Variants in TTC6 observed in about 807,000 individuals in gnomAD.
The protein encoded by TTC6 is tetratricopeptide repeat domain 6.
Under a neutral mutation model 210.4 loss-of-function variants are expected in TTC6, and 172 were observed. The ratio of observed to expected loss-of-function variants is 0.82; its 90% CI spans 0.72 to 0.93. TTC6 has a LOEUF of 0.93. Ranked by LOEUF, TTC6 falls within the 40% of genes least tolerant of loss-of-function variation. The pLI is 0.00. For missense variants in TTC6, 2,414 were observed against 2,318.1 expected (o/e 1.04, Z -0.85); for synonymous variants, 804 against 819.6 (o/e 0.98, Z 0.32).
chr14:37,602,402 T>A (rs1247454746), intron 1 of TTC6, among the ~76,000 whole-genome samples: 1 of 152,250 alleles, frequency 6.6e-6, no homozygotes, highest in East Asian at 1.9e-4. Context: ...TCTCAGAACC[T>A]GCAGTGTTGT....
At chr14:37,724,665 A>G (rs1217570672) in intron 6 of TTC6, among the ~76,000 whole-genome samples, 1 of 152,170 alleles carries the variant, frequency 6.6e-6, no homozygotes, top group Admixed American at 6.6e-5. Flanking sequence ...AGATATGGCC[A>G]ATTGGCCTCC....
At chr14:37,701,401 T>A in exon 5 of TTC6, 1 of 1,532,696 alleles carries the variant, frequency 6.5e-7, no homozygotes, top group Non-Finnish European at 8.7e-7. Flanking sequence ...AGGAGCTGCC[T>A]GTTGACTTGC....
intron 1 of TTC6, among the ~76,000 whole-genome samples, chr14:37,630,155 C>G (rs1389795024): frequency 6.6e-6 from 1 of 152,072 alleles, no homozygotes; most frequent in Non-Finnish European, 1.5e-5. Flanking sequence ...TTCTCTAGTT[C>G]TTTTAACCGT....
intron 25 of TTC6, among the ~76,000 whole-genome samples, chr14:37,817,067 C>G (rs1241643408): frequency 1.3e-5 from 2 of 152,142 alleles, no homozygotes; most frequent in Non-Finnish European, 2.9e-5. Flanking sequence ...CAATTTCTCA[C>G]CAGAAGTGTG....
intron 1 of TTC6, among the ~76,000 whole-genome samples, chr14:37,634,891 A>G (rs1217723479): frequency 6.6e-6 from 1 of 152,202 alleles, no homozygotes; most frequent in Non-Finnish European, 1.5e-5. Context: ...CTAAGAATGA[A>G]GGGGAAATCA....
At chr14:37,827,196 A>G (rs2096173848) in exon 29 of TTC6, 1 of 1,609,842 alleles carries the variant, frequency 6.2e-7, no homozygotes, top group Non-Finnish European at 8.5e-7. Flanking sequence ...TATACTGCAG[A>G]TCAGTACTAC....
chr14:37,792,251 C>A lies in TTC6; in HGVS notation c.3558-13C>A. 2 of 1,489,742 alleles carry A rather than the reference C, an allele frequency of 1.3e-6. No individual in the cohort carries two copies. The highest frequency in any genetic ancestry group is 2.6e-5 in the South Asian group (2 of 77,382). The allele number at this position is 1,489,742 out of a possible 1,614,324, so 92.3% of individuals were successfully genotyped here. A position where few individuals can be genotyped will look rare whatever the true frequency, so the allele number is the denominator to read the frequency against. ...AATGTTTAACAAGATTTCACTTTCT[C>A]ATTTTTTTTTAGAACTATTACTTTG... On this transcript the variant is annotated splice_polypyrimidine_tract_variant and intron_variant, in intron 16 of 30. Transcript: ENST00000553443.
At chr14:37,808,946 A>G in intron 24 of TTC6, 100 bp downstream of exon 26, 1 of 634,396 alleles carries the variant, frequency 1.6e-6, no homozygotes, top group Non-Finnish European at 2.7e-6. Context: ...TTAATAAACA[A>G]TATGTTAAAG....
intron 6 of TTC6, among the ~76,000 whole-genome samples, chr14:37,717,949 C>G (rs1397399657): frequency 6.6e-6 from 1 of 152,188 alleles, no homozygotes; most frequent in African/African-American, 2.4e-5. Flanking sequence ...GTTCAGCTCT[C>G]TTTTTCCGTT....
At chr14:37,638,160 A>G (rs1595046045) in intron 1 of TTC6, among the ~76,000 whole-genome samples, 1 of 152,374 alleles carries the variant, frequency 6.6e-6, no homozygotes, top group East Asian at 1.9e-4. Context: ...AACAACTTGG[A>G]TGAATCTGCA....
At chr14:37,797,327 T>A (rs1411354020) in intron 20 of TTC6, among the ~76,000 whole-genome samples, 1 of 152,098 alleles carries the variant, frequency 6.6e-6, no homozygotes, top group Non-Finnish European at 1.5e-5. Flanking sequence ...TCTTTTACAA[T>A]AATTGATATT....
intron 1 of TTC6, among the ~76,000 whole-genome samples, chr14:37,603,544 G>A (rs902551801): frequency 6.6e-6 from 1 of 152,224 alleles, no homozygotes; most frequent in African/African-American, 2.4e-5. Flanking sequence ...CAGGTTTGTG[G>A]TATACGGTTT....
At chr14:37,635,513 G>A (rs1321468908) in intron 1 of TTC6, among the ~76,000 whole-genome samples, 1 of 152,202 alleles carries the variant, frequency 6.6e-6, no homozygotes, top group Non-Finnish European at 1.5e-5. Context: ...TTGGCAGGTG[G>A]TTTAAAAATA....
chr14:37,776,051 T>TGCCACTGTATGCC (rs1322606305), intron 14 of TTC6, among the ~76,000 whole-genome samples: 7 of 18,254 alleles, frequency 3.8e-4, no homozygotes, highest in South Asian at 1.4e-3. Flanking sequence ...TTCTTTTTTT[T>TGCCACTGTATGCC]TTTTTTTTTT....
intron 6 of TTC6, among the ~76,000 whole-genome samples, chr14:37,723,196 C>G (rs2095865223): frequency 6.6e-6 from 1 of 151,890 alleles, no homozygotes; most frequent in Non-Finnish European, 1.5e-5. Context: ...ATTAGATATT[C>G]TAGGTTCATC....
Position 37,787,642 on chromosome 14 carries a change from T to C in TTC6, c.3436+5T>C. The C allele has an allele frequency of 6.9e-7, 1 of 1,443,952 alleles. No individual in the cohort carries two copies. Among genetic ancestry groups the C allele is most frequent in the Non-Finnish European group, 9.2e-7 (1 of 1,091,558 alleles). The allele number at this position is 1,443,952 out of a possible 1,614,324, so 89.4% of individuals were successfully genotyped here. On this transcript the variant is annotated splice_donor_5th_base_variant and intron_variant, in intron 15 of 30. Coordinates refer to ENST00000553443, the Ensembl canonical transcript of TTC6. Reference sequence around the variant, plus strand: ...TACAGGATTATAGTGTTTCAGGTACTTTGCCTTCAATTACATGTATATAGC... The same window carrying C: ...TACAGGATTATAGTGTTTCAGGTACCTTGCCTTCAATTACATGTATATAGC...
At chr14:37,756,698 G>A (rs564826315) in intron 14 of TTC6, among the ~76,000 whole-genome samples, 4 of 152,216 alleles carry the variant, frequency 2.6e-5, no homozygotes, top group African/African-American at 7.2e-5. Context: ...GGATAAAGCC[G>A]ACTCAGTCAT....
At chr14:37,795,595 CTTT>C (rs1274763071) in intron 18 of TTC6, among the ~76,000 whole-genome samples, 1 of 152,070 alleles carries the variant, frequency 6.6e-6, no homozygotes, top group Non-Finnish European at 1.5e-5. Context: ...TGTTTATGTT[CTTT>C]GAGACCTTTT....
At chr14:37,754,104 T>A (rs1366439511) in intron 14 of TTC6, among the ~76,000 whole-genome samples, 2 of 152,176 alleles carry the variant, frequency 1.3e-5, no homozygotes, top group African/African-American at 2.4e-5. Flanking sequence ...GTTTAAGTTC[T>A]GGGATACATG....
Sources: gnomAD v4.1 joint callset for allele counts (sites outside exome capture counted in the v4.1 genomes callset) on GRCh38, gnomAD v4.1.1 for gene constraint, MANE v1.5 for transcripts, NCBI Gene and HGNC (gene_info 2026-07-23, HGNC 2026-07-21) for gene names.